Variants in LPP observed in about 807,000 individuals in gnomAD.
The protein encoded by LPP is lipoma-preferred partner.
A neutral mutation model predicts 60.4 loss-of-function variants in LPP; 38 were observed. The observed-to-expected ratio is 0.63, with a 90% CI of 0.49 to 0.83. The LOEUF (loss-of-function observed/expected upper bound fraction) is 0.83. Among genes scored for constraint, LPP ranks in the 40% least tolerant of loss-of-function variants. LPP has a pLI of 0.00. For missense variants in LPP, 902 were observed against 783.6 expected (o/e 1.15, Z -1.80); for synonymous variants, 328 against 290.8 (o/e 1.13, Z -1.30).
chr3:188,494,793 C>T (rs998524840), intron 5 of LPP, among the ~76,000 whole-genome samples: 3 of 152,014 alleles, frequency 2.0e-5, no homozygotes, highest in African/African-American at 7.2e-5. Flanking sequence ...ATGACTGTAA[C>T]GTGCTGCTCA....
chr3:188,576,743 G>A (rs1252094298), intron 6 of LPP, among the ~76,000 whole-genome samples: 1 of 152,146 alleles, frequency 6.6e-6, no homozygotes, highest in Non-Finnish European at 1.5e-5. Context: ...AATCAGGGAG[G>A]AGAAGAGGCT....
chr3:188,432,162 T>G (rs191478768), intron 4 of LPP, among the ~76,000 whole-genome samples: 16 of 152,304 alleles, frequency 1.1e-4, no homozygotes, highest in Admixed American at 2.6e-4. Flanking sequence ...CTCAGAGAGA[T>G]AGTAAGTTGC....
intron 7 of LPP, among the ~76,000 whole-genome samples, chr3:188,616,173 T>C (rs1478710232): frequency 6.6e-6 from 1 of 152,206 alleles, no homozygotes; most frequent in Non-Finnish European, 1.5e-5. Context: ...GTGTCCTGAA[T>C]GGTACTGCCT....
chr3:188,457,187 A>T (rs1246998774), intron 4 of LPP, among the ~76,000 whole-genome samples: 1 of 152,228 alleles, frequency 6.6e-6, no homozygotes, highest in Non-Finnish European at 1.5e-5. Context: ...ACGTCTTCAC[A>T]TTGACCCTGC....
chr3:188,396,071 A>T (rs1421640814), intron 3 of LPP, among the ~76,000 whole-genome samples: 1 of 152,232 alleles, frequency 6.6e-6, no homozygotes, highest in Admixed American at 6.5e-5. Flanking sequence ...GATGTTCAAA[A>T]GGCTGAAGTA....
At chr3:188,712,599 G>A (rs1712017276) in intron 8 of LPP, 1 of 152,202 alleles carries the variant, frequency 6.6e-6, no homozygotes, top group Non-Finnish European at 1.5e-5. Context: ...ACTGCAAATA[G>A]CATTGCCAAG....
chr3:188,801,393 A>T (rs1747223361), intron 9 of LPP, among the ~76,000 whole-genome samples: 1 of 152,182 alleles, frequency 6.6e-6, no homozygotes, highest in Non-Finnish European at 1.5e-5. Flanking sequence ...TAATAGCTTC[A>T]ACATATATTG....
intron 2 of LPP, among the ~76,000 whole-genome samples, chr3:188,250,203 T>C (rs1728646049): frequency 6.6e-6 from 1 of 152,218 alleles, no homozygotes; most frequent in Non-Finnish European, 1.5e-5. Context: ...TCTCCTTTGA[T>C]TTGGAACATT....
rs946664493 is a variant in LPP, at chr3:188,182,486, A to G, written c.-190+28234A>G. Among the ~76,000 whole-genome samples, 6 of 152,198 alleles carry G rather than the reference A, an allele frequency of 3.9e-5. No homozygotes were observed. Among genetic ancestry groups the G allele is most frequent in the Non-Finnish European group, 7.3e-5 (5 of 68,028 alleles). On this transcript the variant is annotated intron_variant, in intron 1 of 11. Transcript: ENST00000617246. The surrounding 1 kb of genome is among the most constrained non-coding windows in gnomAD (Gnocchi z 4.4). ...CACAATTTGTTTCACATACAGCACC[A>G]GCTGCCATCTGGCCTAGTGAGACCT...
At chr3:188,184,199 G>T (rs1039640869) in intron 1 of LPP, among the ~76,000 whole-genome samples, 16 of 152,178 alleles carry the variant, frequency 1.1e-4, no homozygotes, top group Non-Finnish European at 2.2e-4. Context: ...TCTGTGGATA[G>T]GGCATTGGTG....
chr3:188,833,960 G>A (rs1485631482), intron 9 of LPP, among the ~76,000 whole-genome samples: 1 of 152,108 alleles, frequency 6.6e-6, no homozygotes, highest in Admixed American at 6.6e-5. Context: ...TACTATTAAA[G>A]CATCCCCATT....
At chr3:188,192,822 C>G (rs972263778) in intron 1 of LPP, among the ~76,000 whole-genome samples, 4 of 152,174 alleles carry the variant, frequency 2.6e-5, no homozygotes, top group Non-Finnish European at 4.4e-5. Flanking sequence ...TGGAGGTGTC[C>G]GTATCCTGTT....
At chr3:188,184,286 C>A (rs373019102) in intron 1 of LPP, among the ~76,000 whole-genome samples, 176 of 152,164 alleles carry the variant, frequency 1.2e-3, no homozygotes, top group African/African-American at 4.0e-3. Context: ...TTAGTGCCTG[C>A]CATGTGCCCT....
At chr3:188,563,117 C>T (rs888446629) in intron 6 of LPP, among the ~76,000 whole-genome samples, 1 of 151,864 alleles carries the variant, frequency 6.6e-6, no homozygotes, top group Non-Finnish European at 1.5e-5. Flanking sequence ...AGAACTGAGC[C>T]TCACTCTTGG....
chr3:188,300,002 C>T (rs906315424), intron 2 of LPP, among the ~76,000 whole-genome samples: 2 of 152,176 alleles, frequency 1.3e-5, no homozygotes, highest in African/African-American at 4.8e-5. Context: ...AACAAAGGGA[C>T]TTTTATCATC....
chr3:188,585,786 C>A (rs1837305634), intron 6 of LPP, among the ~76,000 whole-genome samples: 2 of 152,194 alleles, frequency 1.3e-5, no homozygotes, highest in African/African-American at 4.8e-5. Context: ...AAGATTATTT[C>A]TGTTTCTTTA....
chr3:188,312,714 A>G (rs1407512267), intron 2 of LPP: 1 of 152,124 alleles, frequency 6.6e-6, no homozygotes, highest in Non-Finnish European at 1.5e-5. Flanking sequence ...TCTCTTTCAC[A>G]CTGATTTGAA....
chr3:188,387,291 T>C (rs1019925269), intron 3 of LPP, among the ~76,000 whole-genome samples: 8 of 152,138 alleles, frequency 5.3e-5, no homozygotes, highest in African/African-American at 1.9e-4. Context: ...ATCATATTTA[T>C]GTATTCCTTT....
At chr3:188,393,475 A>G (rs943598386) in intron 3 of LPP, among the ~76,000 whole-genome samples, 4 of 152,126 alleles carry the variant, frequency 2.6e-5, no homozygotes, top group African/African-American at 9.7e-5. Flanking sequence ...ACTTGACTGT[A>G]TTCAGGATTC....
Sources: gnomAD v4.1 joint callset for allele counts (sites outside exome capture counted in the v4.1 genomes callset) on GRCh38, gnomAD v4.1.1 for gene constraint, Gnocchi (gnomAD v3.1) non-coding constraint, MANE v1.5 for transcripts, NCBI Gene and HGNC (gene_info 2026-07-23, HGNC 2026-07-21) for gene names.